CARS2: variants seen among roughly 807,000 people sequenced by gnomAD.
CARS2 encodes probable cysteine--tRNA ligase, mitochondrial.
In CARS2, 52 loss-of-function variants were observed where a neutral mutation model predicts 68.8. The observed-to-expected ratio is 0.76, with a 90% confidence interval of 0.61 to 0.95. CARS2 has a LOEUF of 0.95. CARS2 is among the 40% of genes least tolerant of loss of function. The pLI is 0.00. For synonymous variants in CARS2, 314 were observed against 303.6 expected (o/e 1.03, Z -0.36); for missense variants, 780 against 754.2 (o/e 1.03, Z -0.40).
At chr13:110,650,821 G>A (rs940166189) in intron 10 of CARS2, 4 of 507,826 alleles carry the variant, frequency 7.9e-6, no homozygotes, top group South Asian at 5.4e-5. Context: ...CGAGCTTGAC[G>A]AGGAAGCCCA....
At position 110,653,186 on chromosome 13, in the gene CARS2, G is replaced by GA. The variant is rs1007541321; in HGVS notation, c.988-2087_988-2086insT. 2.5e-4 allele frequency among the ~76,000 whole-genome samples: 13 copies of GA among 51,096 alleles called. No individual in the cohort carries two copies. The highest frequency in any genetic ancestry group is 1.7e-3 in the African/African-American group (12 of 7,066). 33.5% of individuals were successfully genotyped at this position (51,096 alleles called of 152,430 possible). ...CTGCCACAGGGGCCTGGGGTGGGGAGGGGGGCTGGGGTATGTGTGTGTGTG... is the reference window on the plus strand; with the variant it reads ...CTGCCACAGGGGCCTGGGGTGGGGAGAGGGGGCTGGGGTATGTGTGTGTGTG... On this transcript the variant is annotated intron_variant, in intron 9 of 14. Coordinates refer to ENST00000257347, the MANE Select transcript of CARS2 (RefSeq NM_024537.4). The surrounding 1 kb of genome is among the most constrained non-coding windows in gnomAD (Gnocchi z 5.6).
At chr13:110,652,292 G>A (rs571975242) in intron 9 of CARS2, among the ~76,000 whole-genome samples, 43 of 152,392 alleles carry the variant, frequency 2.8e-4, no homozygotes, top group East Asian at 1.2e-3. Flanking sequence ...CAGGGTGGTC[G>A]TGGGAGCACA....
Position 110,705,033 on chromosome 13 carries a change from G to A in CARS2, c.275+488C>T, listed in dbSNP as rs1397256936. ...TTACTCAATCACTATTGAGCCCCGTGACATCTCACATGTGAGGTACAGTGT... is the reference window on the plus strand; with the variant it reads ...TTACTCAATCACTATTGAGCCCCGTAACATCTCACATGTGAGGTACAGTGT... On this transcript the variant is annotated intron_variant, in intron 2 of 14. Coordinates refer to ENST00000257347, the MANE Select transcript of CARS2 (RefSeq NM_024537.4). The surrounding 1 kb of genome is among the most constrained non-coding windows in gnomAD (Gnocchi z 4.0). Among the ~76,000 whole-genome samples, 6 of 152,154 alleles carry A rather than the reference G, an allele frequency of 3.9e-5. No individual in the cohort carries two copies. The East Asian group carries it at 1.2e-3, about 29-fold the overall frequency.
chr13:110,687,501 C>G (rs2063333221), intron 5 of CARS2, among the ~76,000 whole-genome samples: 1 of 151,866 alleles, frequency 6.6e-6, no homozygotes. Context: ...AACCTTATCT[C>G]TACTAAAAAT....
Position 110,701,639 on chromosome 13 carries a change from C to T in CARS2, c.276-84G>A, listed in dbSNP as rs142227541. ...AAAAAATCCATTACATTTTAACATG[C>T]TGCTCCATAACTTCTACTGTGTAGC... On this transcript the variant is annotated intron_variant, in intron 2 of 14. Coordinates refer to ENST00000257347, the MANE Select transcript of CARS2 (RefSeq NM_024537.4). 3.7e-5 allele frequency: 28 copies of T among 755,994 alleles called. No individual in the cohort carries two copies. In the African/African-American group the frequency reaches 4.6e-4, roughly 12 times the overall value. The allele number at this position is 755,994 out of a possible 1,614,324, so 46.8% of individuals were successfully genotyped here. A position where few individuals can be genotyped will look rare whatever the true frequency, so the allele number is the denominator to read the frequency against.
upstream of CARS2, among the ~76,000 whole-genome samples, chr13:110,710,375 T>A (rs1204397272): frequency 1.3e-5 from 2 of 152,122 alleles, no homozygotes; most frequent in African/African-American, 4.8e-5. Context: ...AGAGCAAGAC[T>A]CCGTCTCAAA....
chr13:110,696,066 GA>G (rs1223113075), intron 3 of CARS2, among the ~76,000 whole-genome samples: 1 of 152,180 alleles, frequency 6.6e-6, no homozygotes, highest in Non-Finnish European at 1.5e-5. Context: ...TGCTGAAAAT[GA>G]TGGTTTCCAG....
chr13:110,660,028 A>C (rs1378985281), intron 9 of CARS2, among the ~76,000 whole-genome samples: 4 of 152,236 alleles, frequency 2.6e-5, no homozygotes, highest in African/African-American at 9.6e-5. Flanking sequence ...TATCAACTAA[A>C]TTTATGCAAT....
At chr13:110,654,921 CAAAA>C (rs34662096) in intron 9 of CARS2, among the ~76,000 whole-genome samples, 1 of 83,856 alleles carries the variant, frequency 1.2e-5, no homozygotes, top group Non-Finnish European at 2.4e-5. Context: ...AACCCTCTCT[CAAAA>C]AAAAAAAAAA....
intron 3 of CARS2, among the ~76,000 whole-genome samples, chr13:110,690,369 G>A (rs559452790): frequency 6.6e-6 from 1 of 152,302 alleles, no homozygotes; most frequent in Non-Finnish European, 1.5e-5. Flanking sequence ...AAAATACAGC[G>A]ACCAGTTTTC....
chr13:110,662,230 C>T (rs2062523110), intron 9 of CARS2, among the ~76,000 whole-genome samples: 1 of 101,368 alleles, frequency 9.9e-6, no homozygotes, highest in Middle Eastern at 4.5e-3. Flanking sequence ...CATGCAACCC[C>T]ACGGCCGGGT....
At chr13:110,706,163 G>A (rs1247832508), upstream of CARS2, 6 of 1,133,852 alleles carry the variant, frequency 5.3e-6, no homozygotes, top group Non-Finnish European at 6.7e-6. Context: ...TCGCTCAAGA[G>A]CAGCACGGCC....
At chr13:110,706,256 G>A (rs1288761437), upstream of CARS2, 7 of 431,836 alleles carry the variant, frequency 1.6e-5, no homozygotes, top group African/African-American at 6.3e-5. Context: ...GGCCTGGCTC[G>A]AGTCGCCCGC....
rs1407512469 is a variant in CARS2, at chr13:110,705,642, T to C, written c.225-71A>G. 6.6e-6 allele frequency: 10 copies of C among 1,508,846 alleles called. No homozygotes were observed. In the South Asian group the frequency reaches 7.9e-5, roughly 12 times the overall value. 93.5% of individuals were successfully genotyped at this position (1,508,846 alleles called of 1,614,324 possible). A position where few individuals can be genotyped will look rare whatever the true frequency, so the allele number is the denominator to read the frequency against. On this transcript the variant is annotated intron_variant, in intron 1 of 14. Transcript: ENST00000257347. This position sits in a 1 kb window ranked among gnomAD's most constrained non-coding sequence, Gnocchi z 4.0. ...AAGGACATTCGATTCTGAGTTATAA[T>C]GATCATATAATTTTTAAAGTAATCA...
intron 6 of CARS2, among the ~76,000 whole-genome samples, chr13:110,680,554 G>A (rs2063130252): frequency 6.6e-6 from 1 of 152,186 alleles, no homozygotes; most frequent in South Asian, 2.1e-4. Context: ...TCCTGGTGAG[G>A]AATACACCAT....
upstream of CARS2, among the ~76,000 whole-genome samples, chr13:110,708,887 G>A (rs1211042865): frequency 3.3e-5 from 5 of 151,806 alleles, no homozygotes; most frequent in African/African-American, 9.7e-5. Context: ...CCGAGTAGCT[G>A]GGATTACAGG....
rs560365461 is a variant in CARS2, at chr13:110,662,282, C to T, written c.987+1169G>A. 2.2e-3 allele frequency among the ~76,000 whole-genome samples: 220 copies of T among 101,756 alleles called. 2 individuals are homozygous for T. Among genetic ancestry groups the T allele is most frequent in the African/African-American group, 9.2e-3 (211 of 22,996 alleles). The allele number at this position is 101,756 out of a possible 152,430, so 66.8% of individuals were successfully genotyped here. A position where few individuals can be genotyped will look rare whatever the true frequency, so the allele number is the denominator to read the frequency against. On this transcript the variant is annotated intron_variant, in intron 9 of 14. Coordinates refer to ENST00000257347, the MANE Select transcript of CARS2 (RefSeq NM_024537.4). Reference sequence around the variant, plus strand: ...GTCATGCAACCCCGTGGCCGGGCTCCGACCCCCCTCTGCGTCATGCAACCC... The same window carrying T: ...GTCATGCAACCCCGTGGCCGGGCTCTGACCCCCCTCTGCGTCATGCAACCC...
intron 11 of CARS2, chr13:110,646,337 C>A (rs191523907): frequency 1.4e-4 from 55 of 393,060 alleles, no homozygotes; most frequent in African/African-American, 1.1e-3. Context: ...ATACAAGACA[C>A]ACGTGGGCAT....
upstream of CARS2, chr13:110,707,635 A>C (rs2063990515): frequency 7.8e-6 from 1 of 128,252 alleles, no homozygotes; most frequent in South Asian, 3.2e-4. Context: ...CAACAGAGGG[A>C]GACTCCGCCT....
Sources: allele counts gnomAD v4.1 joint callset (sites outside exome capture counted in the v4.1 genomes callset), GRCh38; gene constraint gnomAD v4.1.1; non-coding constraint Gnocchi (gnomAD v3.1); transcripts MANE v1.5; gene names NCBI Gene and HGNC (gene_info 2026-07-23, HGNC 2026-07-21).